The following PHLPP1 variants were observed in gnomAD, a reference collection of about 807,000 sequenced individuals.
PHLPP1 encodes the protein PH domain and leucine rich repeat protein phosphatase 1.
A neutral mutation model predicts 117.2 loss-of-function variants in PHLPP1; 42 were observed. The observed-to-expected ratio is 0.36, with a 90% CI of 0.28 to 0.46. The LOEUF (loss-of-function observed/expected upper bound fraction) is 0.46. Among genes scored for constraint, PHLPP1 ranks in the 20% least tolerant of loss-of-function variants. The pLI, the probability that PHLPP1 is intolerant of heterozygous loss-of-function variation, is 1.00. For synonymous variants in PHLPP1, 1,042 were observed against 970.7 expected, an observed-to-expected ratio of 1.07 and a Z score of -1.37; for missense variants, 2,084 against 2,241.9, an observed-to-expected ratio of 0.93 and a Z score of 1.42.
chr18:62,768,867 G>A (rs772447099), intron 1 of PHLPP1, among the ~76,000 whole-genome samples: 7 of 152,108 alleles, frequency 4.6e-5, no homozygotes, highest in Non-Finnish European at 8.8e-5. Context: ...GCCTTAGTAA[G>A]CTTTTAGCTA....
chr18:62,780,804 C>T (rs1465442592), intron 1 of PHLPP1, among the ~76,000 whole-genome samples: 3 of 152,192 alleles, frequency 2.0e-5, no homozygotes, highest in Admixed American at 6.5e-5. Flanking sequence ...AAGGAGTCTT[C>T]CTTACTGTAT....
chr18:62,859,547 A>T (rs2144361043), intron 3 of PHLPP1, among the ~76,000 whole-genome samples: 1 of 152,366 alleles, frequency 6.6e-6, no homozygotes, highest in Non-Finnish European at 1.5e-5. Flanking sequence ...TGTAGCAGAC[A>T]GGCAATGGAA....
intron 3 of PHLPP1, among the ~76,000 whole-genome samples, chr18:62,847,064 CAAAT>C (rs1915200107): frequency 6.6e-6 from 1 of 152,146 alleles, no homozygotes; most frequent in African/African-American, 2.4e-5. Flanking sequence ...CAGTTTTAAA[CAAAT>C]GGCAAAGATA....
Position 62,975,379 on chromosome 18 carries a change from C to G in PHLPP1, c.3756-18C>G. Reference sequence around the variant, plus strand: ...GATGGGCTGTGTTTGAGTGTCACCCCCTCTCTTCGGATTCCAGGAAACTTG... The same window carrying G: ...GATGGGCTGTGTTTGAGTGTCACCCGCTCTCTTCGGATTCCAGGAAACTTG... On this transcript the variant is annotated intron_variant, in intron 15 of 16. Coordinates refer to ENST00000262719, the MANE Select transcript of PHLPP1 (RefSeq NM_194449.4). 1 of 1,573,680 alleles carries G rather than the reference C, an allele frequency of 6.4e-7. No homozygotes were observed. The highest frequency in any genetic ancestry group is 1.1e-5 in the South Asian group (1 of 90,234).
At chr18:62,743,458 T>G (rs1911588548) in intron 1 of PHLPP1, among the ~76,000 whole-genome samples, 1 of 152,300 alleles carries the variant, frequency 6.6e-6, no homozygotes, top group South Asian at 2.1e-4. Flanking sequence ...GCTTAGGTTA[T>G]TTTGAAACTA....
intron 4 of PHLPP1, among the ~76,000 whole-genome samples, chr18:62,880,753 A>G (rs1305226783): frequency 6.6e-6 from 1 of 152,236 alleles, no homozygotes; most frequent in Non-Finnish European, 1.5e-5. Flanking sequence ...TTTATTAAAG[A>G]ATCAAAATGA....
chr18:62,717,045 G>A lies in PHLPP1; in HGVS notation c.1362G>A (p.Arg454=), dbSNP rs951455203. 69 of 1,546,374 alleles carry A rather than the reference G, an allele frequency of 4.5e-5. No individual in the cohort carries two copies. Among genetic ancestry groups the A allele is most frequent in the Admixed American group, 5.9e-5 (3 of 50,918 alleles). ...APGGLQSTPG[R]SGVTAEKAPP... is the part of the protein sequence containing the mutation. The stretch of plus-strand genomic sequence containing the variant: ...GAGGCCTCCAGTCTACCCCCGGGAG[G>A]AGCGGGGTGACCGCGGAGAAGGCGC... Residue 454 remains arginine, a synonymous_variant, in exon 1 of 17, where the codon AGG becomes AGA. Transcript: ENST00000262719.
At chr18:62,893,948 G>A (rs1038099561) in intron 4 of PHLPP1, among the ~76,000 whole-genome samples, 1 of 152,182 alleles carries the variant, frequency 6.6e-6, no homozygotes, top group African/African-American at 2.4e-5. Flanking sequence ...GGTAGCTCAG[G>A]AGAGGAGCCA....
rs191526362 is a variant in PHLPP1 at position 62,903,607 on chromosome 18, C to T, written c.2647+441C>T. ...AACAAAGAACTCACCTTAATATAAA[C>T]CAGAATGTTAGCTGGGCGTGGTGGT... On this transcript the variant is annotated intron_variant, in intron 7 of 16. Coordinates refer to ENST00000262719, the MANE Select transcript of PHLPP1 (RefSeq NM_194449.4). 6.5e-4 allele frequency among the ~76,000 whole-genome samples: 99 copies of T among 151,842 alleles called. 1 individual carries two copies. In the Middle Eastern group the frequency reaches 0.01, roughly 16 times the overall value.
intron 4 of PHLPP1, among the ~76,000 whole-genome samples, chr18:62,885,725 C>T (rs939231785): frequency 6.6e-6 from 1 of 152,060 alleles, no homozygotes; most frequent in African/African-American, 2.4e-5. Flanking sequence ...AAGTTGGATG[C>T]ATGAATTTAG....
rs1381764626 is a variant in PHLPP1, at chr18:62,979,128, C to T, written c.4851C>T (p.Thr1617=). The T allele has an allele frequency of 1.9e-6, 3 of 1,613,822 alleles. No individual in the cohort carries two copies. In the African/African-American group the frequency reaches 4.0e-5, roughly 22 times the overall value. The change falls in exon 17 of 17, where the codon ACC becomes ACT. Residue 1617 remains threonine, a synonymous_variant. Coordinates refer to ENST00000262719, the MANE Select transcript of PHLPP1 (RefSeq NM_194449.4). ...AGGCAGACTTCTCTGCCGTTGGGAC[C>T]ATTGGGCGCCGGAGGGCCAATGGCT... is the stretch of plus-strand genomic sequence containing the variant. ...PRKADFSAVG[T]IGRRRANGSV...
intron 10 of PHLPP1, among the ~76,000 whole-genome samples, chr18:62,922,384 G>T (rs184954171): frequency 3.8e-4 from 58 of 152,264 alleles, no homozygotes; most frequent in African/African-American, 1.3e-3. Flanking sequence ...TGATCCACCC[G>T]CCTTGGCCTC....
chr18:62,764,734 G>T (rs1912406210), intron 1 of PHLPP1, among the ~76,000 whole-genome samples: 1 of 152,224 alleles, frequency 6.6e-6, no homozygotes, highest in Admixed American at 6.5e-5. Flanking sequence ...TACAACTCTT[G>T]AAGTGGTGTG....
At chr18:62,918,191 G>A (rs536504201) in intron 9 of PHLPP1, among the ~76,000 whole-genome samples, 21 of 124,956 alleles carry the variant, frequency 1.7e-4, no homozygotes, top group African/African-American at 6.2e-4. Flanking sequence ...GGGCGACAGA[G>A]TGAGACTCTG....
chr18:62,897,970 G>C (rs1318911280), intron 6 of PHLPP1, among the ~76,000 whole-genome samples: 2 of 90,738 alleles, frequency 2.2e-5, no homozygotes, highest in African/African-American at 5.5e-5. Context: ...TGTTGTTTGA[G>C]TTTGATATTA....
intron 3 of PHLPP1, among the ~76,000 whole-genome samples, chr18:62,858,555 A>G (rs1915555622): frequency 6.6e-6 from 1 of 152,022 alleles, no homozygotes; most frequent in Non-Finnish European, 1.5e-5. Flanking sequence ...GAGCCACCAT[A>G]CCTGATCTAG....
chr18:62,916,878 C>T (rs1026353104), intron 9 of PHLPP1, among the ~76,000 whole-genome samples: 9 of 149,648 alleles, frequency 6.0e-5, no homozygotes, highest in African/African-American at 2.2e-4. Context: ...CTCAGCCTCC[C>T]GAGTAGCTGG....
intron 1 of PHLPP1, among the ~76,000 whole-genome samples, chr18:62,730,594 G>C (rs1442398239): frequency 4.6e-5 from 7 of 152,156 alleles, no homozygotes; most frequent in Non-Finnish European, 1.0e-4. Context: ...GGCCGAGGCA[G>C]GTGGATCACC....
intron 4 of PHLPP1, among the ~76,000 whole-genome samples, chr18:62,881,679 CA>C (rs1916178210): frequency 6.6e-6 from 1 of 152,212 alleles, no homozygotes; most frequent in Non-Finnish European, 1.5e-5. Context: ...CTAAGCCTCC[CA>C]GATGATGGCA....
Sources: gnomAD v4.1 joint callset for allele counts (sites outside exome capture counted in the v4.1 genomes callset) on GRCh38, gnomAD v4.1.1 for gene constraint, MANE v1.5 for transcripts, NCBI Gene and HGNC (gene_info 2026-07-23, HGNC 2026-07-21) for gene names.